The following XPO5 variants were observed in gnomAD, a reference collection of about 807,000 sequenced individuals.
XPO5 encodes exportin 5.
In XPO5, 46 loss-of-function variants were observed where a neutral mutation model predicts 160.6. That is an observed-to-expected ratio of 0.29 (90% CI 0.23 to 0.37). The LOEUF is 0.37. XPO5 is among the 10% of genes least tolerant of loss of function. The pLI, the probability that XPO5 is intolerant of heterozygous loss-of-function variation, is 1.00. For missense variants in XPO5, 1,090 were observed against 1,463.9 expected (o/e 0.74, Z 4.17); for synonymous variants, 537 against 519.3 (o/e 1.03, Z -0.46).
chr6:43,558,395 G>T, intron 12 of XPO5, 106 bp downstream of exon 12: 1 of 987,148 alleles, frequency 1.0e-6, no homozygotes, highest in Non-Finnish European at 1.5e-6. Flanking sequence ...CTGCTATCCA[G>T]ATTTGGGGAT....
chr6:43,526,176 C>A (rs1793576099), intron 27 of XPO5: 2 of 486,826 alleles, frequency 4.1e-6, no homozygotes, highest in Non-Finnish European at 7.4e-6. Flanking sequence ...ACTGAAGTTA[C>A]TTTGTTGTTG....
At position 43,523,470 on chromosome 6, in the gene XPO5, G is replaced by A. The variant is rs998338275; in HGVS notation, c.*398C>T. 1 of 359,958 alleles carries A rather than the reference G, an allele frequency of 2.8e-6. No homozygotes were observed. The highest frequency in any genetic ancestry group is 5.5e-6 in the Non-Finnish European group (1 of 182,738). The allele number at this position is 359,958 out of a possible 1,614,324, so 22.3% of individuals were successfully genotyped here. A position where few individuals can be genotyped will look rare whatever the true frequency, so the allele number is the denominator to read the frequency against. On this transcript the variant is annotated 3_prime_UTR_variant, in exon 32 of 32. Transcript: ENST00000265351. The stretch of plus-strand genomic sequence containing the variant: ...ACTCTGGCACAAGTAGTTGAGGGCT[G>A]TGCTCTTGCTGCGAGCCTTGCTAGT...
chr6:43,574,512 G>A (rs924562252), intron 1 of XPO5, among the ~76,000 whole-genome samples: 1 of 150,888 alleles, frequency 6.6e-6, no homozygotes, highest in Non-Finnish European at 1.5e-5. Context: ...TATGAATAAA[G>A]AACTGATAAA....
chr6:43,573,631 C>T (rs958418185), intron 1 of XPO5, 30 bp from the exon 2 acceptor site: 5 of 1,599,822 alleles, frequency 3.1e-6, no homozygotes, highest in African/African-American at 1.3e-5. Flanking sequence ...TGTTTCCTTT[C>T]GAGGGCTGAG....
chr6:43,575,659 G>A (rs372701151), intron 1 of XPO5, 101 bp downstream of exon 1: 5 of 1,083,074 alleles, frequency 4.6e-6, no homozygotes, highest in South Asian at 2.9e-5. Flanking sequence ...AGGTCCAGGG[G>A]CCGCGTGGGC....
chr6:43,528,965 C>CAT lies in XPO5; in HGVS notation c.2678-42_2678-41dup, dbSNP rs776922426. On this transcript the variant is annotated intron_variant, in intron 23 of 31. Coordinates refer to ENST00000265351, the MANE Select transcript of XPO5 (RefSeq NM_020750.3). ...TAAGAAATTTTAGTGCATAGGCACA[C>CAT]ATCTCTCACCTGCCAGGTGGTGGGT... 7.0e-6 allele frequency: 11 copies of CAT among 1,567,190 alleles called. No homozygotes were observed. The South Asian group carries it at 1.2e-4, about 16-fold the overall frequency.
intron 5 of XPO5, among the ~76,000 whole-genome samples, chr6:43,569,508 C>T (rs778514163): frequency 1.5e-4 from 23 of 151,532 alleles, no homozygotes; most frequent in Admixed American, 5.3e-4. Flanking sequence ...CCAAGGCAGG[C>T]GGATTATTTG....
intron 4 of XPO5, 71 bp from the exon 5 acceptor site, chr6:43,570,755 T>C (rs1434825523): frequency 6.5e-7 from 1 of 1,533,270 alleles, no homozygotes; most frequent in South Asian, 1.3e-5. Context: ...AAAGGCTATT[T>C]TCTGTTGCCA....
chr6:43,549,638 TAG>T (rs1290710513), intron 16 of XPO5, 60 bp from the exon 17 acceptor site: 1 of 1,557,480 alleles, frequency 6.4e-7, no homozygotes, highest in East Asian at 2.3e-5. Context: ...AGGTGCTGCA[TAG>T]ACTCATGTGA....
Position 43,568,754 on chromosome 6 carries a change from A to G in XPO5, c.622-17T>C, listed in dbSNP as rs750582395. ...ATCTGTCTTCTGAAAGGAAGTATAAAGATCCAGTGTTTTTAATGAGCAAAA... is the reference window on the plus strand; with the variant it reads ...ATCTGTCTTCTGAAAGGAAGTATAAGGATCCAGTGTTTTTAATGAGCAAAA... On this transcript the variant is annotated splice_polypyrimidine_tract_variant and intron_variant, in intron 5 of 31. Transcript: ENST00000265351. The G allele has an allele frequency of 4.5e-6, 7 of 1,566,032 alleles. No individual in the cohort carries two copies. In the South Asian group the frequency reaches 8.3e-5, roughly 19 times the overall value.
chr6:43,558,095 CA>C (rs112872524), intron 12 of XPO5, among the ~76,000 whole-genome samples: 21 of 133,994 alleles, frequency 1.6e-4, no homozygotes, highest in Middle Eastern at 3.8e-3. Context: ...AACTCCATCT[CA>C]AAAAAAAAAA....
intron 5 of XPO5, among the ~76,000 whole-genome samples, chr6:43,569,408 C>T (rs1762874739): frequency 6.6e-6 from 1 of 151,068 alleles, no homozygotes; most frequent in Non-Finnish European, 1.5e-5. Flanking sequence ...TATTTCAAAT[C>T]CATACAAAGG....
chr6:43,575,647 G>T, intron 1 of XPO5, 113 bp downstream of exon 1: 2 of 926,376 alleles, frequency 2.2e-6, no homozygotes, highest in Non-Finnish European at 3.3e-6. Flanking sequence ...AGTTGGGAAA[G>T]GAGGTCCAGG....
At chr6:43,575,409 G>A (rs553210229) in intron 1 of XPO5, among the ~76,000 whole-genome samples, 22 of 152,294 alleles carry the variant, frequency 1.4e-4, no homozygotes, top group African/African-American at 5.3e-4. Flanking sequence ...CGTGCGCCTC[G>A]GGAAGGCGAG....
chr6:43,551,813 G>C (rs1795242170), intron 14 of XPO5, among the ~76,000 whole-genome samples: 1 of 152,068 alleles, frequency 6.6e-6, no homozygotes, highest in East Asian at 1.9e-4. Flanking sequence ...CTACTGGCAC[G>C]CACCACCATG....
At chr6:43,525,955 C>T (rs774246102) in intron 27 of XPO5, 34 bp from the exon 28 acceptor site, 1 of 1,609,282 alleles carries the variant, frequency 6.2e-7, no homozygotes, top group South Asian at 1.1e-5. Context: ...AAGCTCCATC[C>T]TTTCAGAACA....
chr6:43,558,950 T>C (rs867555250), intron 11 of XPO5: 19 of 177,088 alleles, frequency 1.1e-4, no homozygotes, highest in Middle Eastern at 2.7e-3. Context: ...AATAAACTTG[T>C]AGAACTTTGT....
rs1280342295 is a variant in XPO5, at chr6:43,528,864, G to A, written c.2739C>T (p.Ser913=). 4 of 1,613,880 alleles carry A rather than the reference G, an allele frequency of 2.5e-6. No homozygotes were observed. The highest frequency in any genetic ancestry group is 3.3e-5 in the Admixed American group (2 of 60,006). The part of the protein sequence containing the change: ...CPPEHYEALV[S]PILGPLFTYL... ...AGGTGAAAAGAGGTCCGAGGATGGG[G>A]GATACCAGGGCTTCATAGTGCTCTG... The change falls in exon 24 of 32, where the codon TCC becomes TCT. Residue 913 remains serine, a synonymous_variant. Transcript: ENST00000265351.
chr6:43,563,423 T>C (rs1338554342), intron 8 of XPO5, among the ~76,000 whole-genome samples: 1 of 152,204 alleles, frequency 6.6e-6, no homozygotes, highest in Admixed American at 6.5e-5. Context: ...GCATGAGCCA[T>C]TGGGCCCGGC....
Sources: allele counts gnomAD v4.1 joint callset (sites outside exome capture counted in the v4.1 genomes callset), GRCh38; gene constraint gnomAD v4.1.1; transcripts MANE v1.5; gene names NCBI Gene and HGNC (gene_info 2026-07-23, HGNC 2026-07-21).